Variants in NR3C2 observed in about 807,000 individuals in gnomAD.
The protein encoded by NR3C2 is mineralocorticoid receptor.
A neutral mutation model predicts 86.4 loss-of-function variants in NR3C2; 15 were observed. The ratio of observed to expected loss-of-function variants is 0.17; its 90% confidence interval spans 0.12 to 0.27. The LOEUF (loss-of-function observed/expected upper bound fraction) is 0.27, where lower values mean the gene tolerates loss of function less well. Ranked by LOEUF, NR3C2 falls within the 10% of genes least tolerant of loss-of-function variation. NR3C2 has a pLI of 1.00. For synonymous variants in NR3C2, 458 were observed against 450.5 expected, an observed-to-expected ratio of 1.02 and a Z score of -0.21; for missense variants, 960 against 1,195.6, an observed-to-expected ratio of 0.80 and a Z score of 2.91.
At chr4:148,443,074 C>T, upstream of NR3C2, 2 of 635,032 alleles carry the variant, frequency 3.1e-6, no homozygotes, top group Non-Finnish European at 3.9e-6. Context: ...TCCACTGTCT[C>T]CAGAGTTACC....
At chr4:148,213,518 G>A (rs190873539) in intron 3 of NR3C2, among the ~76,000 whole-genome samples, 12 of 152,196 alleles carry the variant, frequency 7.9e-5, no homozygotes, top group African/African-American at 2.4e-4. Context: ...AATTGAATAC[G>A]TTTATCCCAT....
chr4:148,370,537 T>C (rs1382765935), intron 2 of NR3C2, among the ~76,000 whole-genome samples: 1 of 152,172 alleles, frequency 6.6e-6, no homozygotes. Flanking sequence ...TTAGTATGTC[T>C]ACATATGAAA....
chr4:148,270,041 T>C (rs1034410085), intron 2 of NR3C2, among the ~76,000 whole-genome samples: 2 of 151,930 alleles, frequency 1.3e-5, no homozygotes, highest in Non-Finnish European at 2.9e-5. Context: ...AATGTGAATC[T>C]TGAACACAAG....
At chr4:148,110,738 T>C (rs1285670361) in intron 8 of NR3C2, among the ~76,000 whole-genome samples, 1 of 152,256 alleles carries the variant, frequency 6.6e-6, no homozygotes, top group Non-Finnish European at 1.5e-5. Flanking sequence ...ATGATTCTAA[T>C]GATTCTAAAG....
At chr4:148,262,133 G>A (rs905070832) in intron 2 of NR3C2, among the ~76,000 whole-genome samples, 2 of 152,090 alleles carry the variant, frequency 1.3e-5, no homozygotes, top group East Asian at 3.9e-4. Context: ...AAAATGCCAC[G>A]GTTTTGTAAA....
At chr4:148,431,794 A>C (rs981567645) in intron 2 of NR3C2, among the ~76,000 whole-genome samples, 1 of 152,188 alleles carries the variant, frequency 6.6e-6, no homozygotes, top group Non-Finnish European at 1.5e-5. Flanking sequence ...AGTAACACTA[A>C]TACAAATAAT....
intron 2 of NR3C2, among the ~76,000 whole-genome samples, chr4:148,305,368 C>T (rs1742562708): frequency 6.6e-6 from 1 of 152,078 alleles, no homozygotes; most frequent in Non-Finnish European, 1.5e-5. Context: ...CTTTCAGAAA[C>T]TGAGGGTGCC....
At chr4:148,182,246 A>G (rs1273134101) in intron 4 of NR3C2, among the ~76,000 whole-genome samples, 1 of 152,236 alleles carries the variant, frequency 6.6e-6, no homozygotes, top group Non-Finnish European at 1.5e-5. Flanking sequence ...ATTGCTTCAC[A>G]TTAGAAGTTA....
rs1486804902 is a variant in NR3C2, at chr4:148,319,599, TG to T, written c.1758-59483del. Among the ~76,000 whole-genome samples, 7 of 149,728 alleles carry T rather than the reference TG, an allele frequency of 4.7e-5. No individual in the cohort carries two copies. The East Asian group carries it at 1.4e-3, about 29-fold the overall frequency. On this transcript the variant is annotated intron_variant, in intron 2 of 8. Transcript: ENST00000358102. ...CCTTGAAGAGGTCCTTCACGTCCCT[TG>T]TAAGTTGGATTCCTAGGTATTTTAT...
chr4:148,389,269 A>C (rs1747420037), intron 2 of NR3C2, among the ~76,000 whole-genome samples: 1 of 152,132 alleles, frequency 6.6e-6, no homozygotes, highest in Non-Finnish European at 1.5e-5. Context: ...ACAAAAATAA[A>C]AAAAAGGGAC....
intron 8 of NR3C2, among the ~76,000 whole-genome samples, chr4:148,086,368 T>A (rs184360040): frequency 1.7e-4 from 26 of 152,108 alleles, no homozygotes; most frequent in Admixed American, 9.2e-4. Flanking sequence ...ACAGAACCAA[T>A]GACAAAAACC....
rs72655212 is a variant in NR3C2, at chr4:148,249,025, G to C, written c.1897+10953C>G. ...TATTTGCTGAGTCTCTGAGTGGGCA[G>C]TATCATTCTGTATAACACTATATAA... On this transcript the variant is annotated intron_variant, in intron 3 of 8. Coordinates refer to ENST00000358102, the MANE Select transcript of NR3C2 (RefSeq NM_000901.5). 1.7e-4 allele frequency among the ~76,000 whole-genome samples: 26 copies of C among 152,252 alleles called. 1 individual carries two copies. Among genetic ancestry groups the C allele is most frequent in the African/African-American group, 6.0e-4 (25 of 41,558 alleles).
intron 2 of NR3C2, among the ~76,000 whole-genome samples, chr4:148,346,363 C>A (rs935635907): frequency 6.6e-6 from 1 of 151,992 alleles, no homozygotes; most frequent in African/African-American, 2.4e-5. Context: ...GCGAACAGAT[C>A]CTTTGTAGAT....
At position 148,358,967 on chromosome 4, in the gene NR3C2, C is replaced by G. The variant is rs542309814; in HGVS notation, c.1757+76137G>C. Among the ~76,000 whole-genome samples the G allele has an allele frequency of 5.9e-4, 6 of 10,234 alleles. No homozygotes were observed. In the South Asian group the frequency reaches 0.12, roughly 213 times the overall value. 6.7% of individuals were successfully genotyped at this position (10,234 alleles called of 152,430 possible). On this transcript the variant is annotated intron_variant, in intron 2 of 8. Coordinates refer to ENST00000358102, the MANE Select transcript of NR3C2 (RefSeq NM_000901.5). ...TAAGCTAAACCACAATTTACACACA[C>G]GCACACACACACACACACAGAGTGC...
In NR3C2 at chr4:148,128,535, T is replaced by C. The variant is rs550108828; in HGVS notation, c.2511-8247A>G. ...TCTAAACACCTTCACGGACACTTCA[T>C]GCGGTGGCCATCCACCACAGTGAGA... On this transcript the variant is annotated intron_variant, in intron 6 of 8. Transcript: ENST00000358102. 2.0e-5 allele frequency among the ~76,000 whole-genome samples: 3 copies of C among 152,336 alleles called. No individual in the cohort carries two copies. The East Asian group carries it at 5.8e-4, about 29-fold the overall frequency.
intron 8 of NR3C2, among the ~76,000 whole-genome samples, chr4:148,082,975 G>A (rs1316180847): frequency 6.6e-6 from 1 of 152,082 alleles, no homozygotes; most frequent in Non-Finnish European, 1.5e-5. Flanking sequence ...TTCCAAGTGG[G>A]TAGAGCACAC....
intron 2 of NR3C2, among the ~76,000 whole-genome samples, chr4:148,343,386 C>CA (rs1744841433): frequency 6.6e-6 from 1 of 152,068 alleles, no homozygotes; most frequent in African/African-American, 2.4e-5. Context: ...CCCAAGGCAG[C>CA]AGCGGGATAT....
chr4:148,367,322 T>C lies in NR3C2; in HGVS notation c.1757+67782A>G, dbSNP rs1418082229. 2.0e-5 allele frequency among the ~76,000 whole-genome samples: 3 copies of C among 152,226 alleles called. No individual in the cohort carries two copies. In the East Asian group the frequency reaches 5.8e-4, roughly 29 times the overall value. On this transcript the variant is annotated intron_variant, in intron 2 of 8. Coordinates refer to ENST00000358102, the MANE Select transcript of NR3C2 (RefSeq NM_000901.5). ...AAATATTATACATATACTTTTGGCA[T>C]ACGATAATTGCTCTATCGGTCTATG...
intron 2 of NR3C2, among the ~76,000 whole-genome samples, chr4:148,346,092 G>C (rs763615447): frequency 7.9e-5 from 12 of 152,100 alleles, no homozygotes; most frequent in Non-Finnish European, 1.8e-4. Context: ...AGCTGAAATG[G>C]AGAGAGGGGA....
Sources: allele counts gnomAD v4.1 joint callset (sites outside exome capture counted in the v4.1 genomes callset), GRCh38; gene constraint gnomAD v4.1.1; transcripts MANE v1.5; gene names NCBI Gene and HGNC (gene_info 2026-07-23, HGNC 2026-07-21).